TNRC6A: variants seen among roughly 807,000 people sequenced by gnomAD.
The protein encoded by TNRC6A is trinucleotide repeat containing adaptor 6A.
In TNRC6A, 44 loss-of-function variants were observed where a neutral mutation model predicts 221.2. The ratio of observed to expected loss-of-function variants is 0.20; its 90% CI spans 0.16 to 0.26. TNRC6A has a LOEUF of 0.26. Ranked by LOEUF, TNRC6A falls within the 10% of genes least tolerant of loss-of-function variation. The pLI is 1.00. For synonymous variants in TNRC6A, 847 were observed against 838.5 expected, an observed-to-expected ratio of 1.01 and a Z score of -0.18; for missense variants, 2,199 against 2,404.4, an observed-to-expected ratio of 0.91 and a Z score of 1.79.
chr16:24,655,137 A>G (rs1282071247), intron 2 of TNRC6A, among the ~76,000 whole-genome samples: 1 of 151,996 alleles, frequency 6.6e-6, no homozygotes, highest in East Asian at 1.9e-4. Context: ...CCAGCTACTC[A>G]GGAGGCTGAG....
At chr16:24,724,442 G>C (rs1206057198) in intron 2 of TNRC6A, among the ~76,000 whole-genome samples, 1 of 152,128 alleles carries the variant, frequency 6.6e-6, no homozygotes, top group Non-Finnish European at 1.5e-5. Flanking sequence ...ATACATTTTA[G>C]TTAAATAAGA....
At chr16:24,761,409 T>C (rs1221058818) in intron 4 of TNRC6A, among the ~76,000 whole-genome samples, 2 of 152,136 alleles carry the variant, frequency 1.3e-5, no homozygotes, top group Non-Finnish European at 2.9e-5. Flanking sequence ...GGTATAGGGA[T>C]AGATGGATAA....
intron 2 of TNRC6A, among the ~76,000 whole-genome samples, chr16:24,711,378 C>CAT (rs2056203646): frequency 6.6e-6 from 1 of 152,052 alleles, no homozygotes; most frequent in Non-Finnish European, 1.5e-5. Context: ...TAAATTTTGA[C>CAT]ATATATAGAG....
rs1285686370 is a variant in TNRC6A at position 24,793,568 on chromosome 16, T to C, written c.3271T>C (p.Trp1091Arg). 1 of 1,572,620 alleles carries C rather than the reference T, an allele frequency of 6.4e-7. No homozygotes were observed. ...WGKPIDSGPS[W>R]GEPIAAASST... ...TAAGCCCATAGACAGTGGTCCCAGC[T>C]GGGGGGAACCCATTGCTGCGGCATC... is the stretch of plus-strand genomic sequence containing the variant. Residue 1091 changes from tryptophan (W) to arginine (R), a missense_variant, in exon 7 of 25, where the codon TGG becomes CGG. By Grantham distance (101) the Trp-to-Arg change is moderately radical. Around this residue, in one of 8 missense-constraint regions of TNRC6A, gnomAD observed 1,405 missense variants for 1,400.2 expected, o/e 1.00. Transcript: ENST00000395799.
Position 24,822,098 on chromosome 16 carries a change from G to A in TNRC6A, c.5324G>A (p.Ser1775Asn). ...YTPGSSWGESSSGRITNWLVL... is the reference protein window; with the variant it reads ...YTPGSSWGESNSGRITNWLVL... Reference sequence around the variant, plus strand: ...TTAGGTTCCAGCTGGGGTGAGAGCAGCTCAGGGAGAATAACAAATTGGCTT... The same window carrying A: ...TTAGGTTCCAGCTGGGGTGAGAGCAACTCAGGGAGAATAACAAATTGGCTT... Residue 1775 changes from serine (S) to asparagine (N), a missense_variant, in exon 23 of 25, where the codon AGC becomes AAC. By Grantham distance (46) the Ser-to-Asn change is conservative. Coordinates refer to ENST00000395799, the MANE Select transcript of TNRC6A (RefSeq NM_014494.4). The A allele has an allele frequency of 1.2e-6, 2 of 1,614,120 alleles. No individual in the cohort carries two copies.
intron 2 of TNRC6A, 85 bp downstream of exon 2, chr16:24,730,385 C>A: frequency 6.7e-7 from 1 of 1,495,782 alleles, no homozygotes; most frequent in Non-Finnish European, 9.0e-7. Context: ...TGAGAAGTTC[C>A]CCCGTGACAT....
At chr16:24,745,705 A>G (rs2056991089) in intron 2 of TNRC6A, among the ~76,000 whole-genome samples, 1 of 151,710 alleles carries the variant, frequency 6.6e-6, no homozygotes, top group Non-Finnish European at 1.5e-5. Flanking sequence ...GCAGTGGCAC[A>G]ATCATAGCTC....
At chr16:24,679,725 C>T (rs2142049637) in intron 2 of TNRC6A, among the ~76,000 whole-genome samples, 1 of 152,300 alleles carries the variant, frequency 6.6e-6, no homozygotes, top group Non-Finnish European at 1.5e-5. Flanking sequence ...AATCCACCCG[C>T]CTCGGCCTCC....
At chr16:24,809,836 C>T (rs1288049144) in intron 18 of TNRC6A, among the ~76,000 whole-genome samples, 1 of 152,100 alleles carries the variant, frequency 6.6e-6, no homozygotes, top group African/African-American at 2.4e-5. Context: ...AAACTTCTAC[C>T]AGGGTCCCAT....
intron 2 of TNRC6A, among the ~76,000 whole-genome samples, chr16:24,677,789 T>A (rs929440454): frequency 3.9e-5 from 6 of 152,162 alleles, no homozygotes; most frequent in African/African-American, 1.4e-4. Flanking sequence ...TCAGTACATA[T>A]CTGTTGGACG....
chr16:24,815,437 A>C (rs756879636), intron 19 of TNRC6A, 132 bp downstream of exon 19: 11 of 1,068,998 alleles, frequency 1.0e-5, no homozygotes, highest in Admixed American at 4.1e-5. Context: ...AGGAATGCAG[A>C]AGTGATTGAG....
At chr16:24,805,543 A>G in intron 14 of TNRC6A, 62 bp from the exon 15 acceptor site, 1 of 1,587,640 alleles carries the variant, frequency 6.3e-7, no homozygotes, top group Non-Finnish European at 8.6e-7. Context: ...GAAAACACAC[A>G]GTACGTGTAG....
Position 24,806,801 on chromosome 16 carries a change from C to T in TNRC6A, c.4540+17C>T. ...TCCCTATAGGTGGGTTTCTCCTTGG[C>T]CCAAGTATTGGACTGATGCTTAGGT... On this transcript the variant is annotated intron_variant, in intron 17 of 24. Transcript: ENST00000395799. 2 of 1,612,834 alleles carry T rather than the reference C, an allele frequency of 1.2e-6. No homozygotes were observed. Among genetic ancestry groups the T allele is most frequent in the Non-Finnish European group, 1.7e-6 (2 of 1,178,930 alleles).
intron 2 of TNRC6A, among the ~76,000 whole-genome samples, chr16:24,682,832 A>G (rs2055558700): frequency 6.6e-6 from 1 of 152,188 alleles, no homozygotes; most frequent in Admixed American, 6.5e-5. Context: ...AACCAATGGG[A>G]AGCCAGAAGA....
At chr16:24,648,808 AACTC>A (rs1879167967) in intron 2 of TNRC6A, among the ~76,000 whole-genome samples, 1 of 152,170 alleles carries the variant, frequency 6.6e-6, no homozygotes, top group Non-Finnish European at 1.5e-5. Flanking sequence ...AAACTTATCA[AACTC>A]ACTATGTATT....
intron 1 of TNRC6A, among the ~76,000 whole-genome samples, chr16:24,624,561 C>G (rs1014013147): frequency 1.3e-5 from 2 of 152,218 alleles, no homozygotes; most frequent in African/African-American, 4.8e-5. Context: ...TCACTGCAGC[C>G]TTGAACTCCC....
intron 4 of TNRC6A, among the ~76,000 whole-genome samples, chr16:24,761,116 G>C (rs1408832656): frequency 6.6e-6 from 1 of 152,078 alleles, no homozygotes; most frequent in East Asian, 1.9e-4. Context: ...TTTCTGTGTT[G>C]TAGAGTCTGT....
At chr16:24,768,000 G>A in intron 4 of TNRC6A, among the ~76,000 whole-genome samples, 1 of 152,128 alleles carries the variant, frequency 6.6e-6, no homozygotes, top group East Asian at 1.9e-4. Flanking sequence ...TTAAATATAT[G>A]GATTCTGATT....
At chr16:24,675,939 C>T (rs562784872) in intron 2 of TNRC6A, among the ~76,000 whole-genome samples, 1 of 151,548 alleles carries the variant, frequency 6.6e-6, no homozygotes, top group South Asian at 2.1e-4. Context: ...TTTCTTCCTA[C>T]TCTTTTCCCA....
Sources: gnomAD v4.1 joint callset for allele counts (sites outside exome capture counted in the v4.1 genomes callset) on GRCh38, gnomAD v4.1.1 for gene constraint, gnomAD v4.1.1 regional missense constraint, MANE v1.5 for transcripts, NCBI Gene and HGNC (gene_info 2026-07-23, HGNC 2026-07-21) for gene names.